Variants in ASB18 observed in about 807,000 individuals in gnomAD.
The protein encoded by ASB18 is ankyrin repeat and SOCS box protein 18.
Under a neutral mutation model 33.4 loss-of-function variants are expected in ASB18, and 33 were observed. The ratio of observed to expected loss-of-function variants is 0.99; its 90% confidence interval spans 0.75 to 1.32. The LOEUF (loss-of-function observed/expected upper bound fraction) is 1.32. Ranked by LOEUF, ASB18 falls within the 40% of genes most tolerant of loss-of-function variation. The probability of loss-of-function intolerance (pLI) is 0.00; values close to 1 mark genes in which losing one functional copy is unlikely to be tolerated. For missense variants in ASB18, 694 were observed against 655.5 expected, an observed-to-expected ratio of 1.06 and a Z score of -0.64; for synonymous variants, 295 against 307.6, an observed-to-expected ratio of 0.96 and a Z score of 0.43.
rs1199674990 is a variant in ASB18 at position 236,223,024 on chromosome 2, A to G, written c.597-8158T>C. Among the ~76,000 whole-genome samples the G allele has an allele frequency of 6.6e-6, 1 of 152,086 alleles. No homozygotes were observed. Among genetic ancestry groups the G allele is most frequent in the African/African-American group, 2.4e-5 (1 of 41,406 alleles). On this transcript the variant is annotated intron_variant, in intron 3 of 5. Transcript: ENST00000409749. The surrounding 1 kb of genome is among the most constrained non-coding windows in gnomAD (Gnocchi z 4.6). ...GACAGAGCGAGACTCCGTCTCCAAA[A>G]AAAGGTGTGTGACACCCCCCATCCC...
chr2:236,249,236 T>C lies in ASB18; in HGVS notation c.206-7834A>G, dbSNP rs1033376279. 6.6e-6 allele frequency: 1 copy of C among 152,192 alleles called. No homozygotes were observed. Among genetic ancestry groups the C allele is most frequent in the Non-Finnish European group, 1.5e-5 (1 of 68,034 alleles). The allele number at this position is 152,192 out of a possible 1,614,324, so 9.4% of individuals were successfully genotyped here. ...GTGCTTTGCTTCCTGGTGTTGTCCT[T>C]GATCTCTATGTTTGCTTGCATTGTG... On this transcript the variant is annotated intron_variant, in intron 1 of 5. Transcript: ENST00000409749. The surrounding 1 kb of genome is among the most constrained non-coding windows in gnomAD (Gnocchi z 4.6).
At position 236,217,188 on chromosome 2, in the gene ASB18, A is replaced by G. The variant is rs2060491874; in HGVS notation, c.597-2322T>C. ...TTTGGGAGTCTGAGGTGAGTGGATC[A>G]CCTGAGGTCAGGAGTTTGAGAACAG... is the stretch of plus-strand genomic sequence containing the variant. On this transcript the variant is annotated intron_variant, in intron 3 of 5. Coordinates refer to ENST00000409749, the MANE Select transcript of ASB18 (RefSeq NM_212556.4). The surrounding 1 kb of genome is among the most constrained non-coding windows in gnomAD (Gnocchi z 5.2). Among the ~76,000 whole-genome samples the G allele has an allele frequency of 1.3e-5, 2 of 152,126 alleles. No individual in the cohort carries two copies. The highest frequency in any genetic ancestry group is 6.5e-5 in the Admixed American group (1 of 15,278).
rs2060672179 is a variant in ASB18 at position 236,252,330 on chromosome 2, G to T, written c.206-10928C>A. 6.7e-6 allele frequency among the ~76,000 whole-genome samples: 1 copy of T among 150,344 alleles called. No homozygotes were observed. On this transcript the variant is annotated intron_variant, in intron 1 of 5. Transcript: ENST00000409749. The surrounding 1 kb of genome is among the most constrained non-coding windows in gnomAD (Gnocchi z 7.9). ...ACACAGTAGAAATCCTTGCCTTTAA[G>T]GAGTGTTGAATTGAGTGGGAGGGCA...
rs552864703 is a variant in ASB18 at position 236,242,450 on chromosome 2, G to T, written c.206-1048C>A. Among the ~76,000 whole-genome samples, 11 of 152,264 alleles carry T rather than the reference G, an allele frequency of 7.2e-5. No individual in the cohort carries two copies. In the East Asian group the frequency reaches 1.9e-3, roughly 27 times the overall value. The stretch of plus-strand genomic sequence containing the variant: ...CGATCTCCACTCCCAGCTCTTGTAT[G>T]GTTTGGGTGCTATGAATTGTTTGTA... On this transcript the variant is annotated intron_variant, in intron 1 of 5. Coordinates refer to ENST00000409749, the MANE Select transcript of ASB18 (RefSeq NM_212556.4).
rs1302774098 is a variant in ASB18, at chr2:236,220,377, A to G, written c.597-5511T>C. 6.6e-6 allele frequency among the ~76,000 whole-genome samples: 1 copy of G among 151,930 alleles called. No homozygotes were observed. Among genetic ancestry groups the G allele is most frequent in the Non-Finnish European group, 1.5e-5 (1 of 67,988 alleles). On this transcript the variant is annotated intron_variant, in intron 3 of 5. Transcript: ENST00000409749. The surrounding 1 kb of genome is among the most constrained non-coding windows in gnomAD (Gnocchi z 5.1). ...TGTCTCAGCTGCCTGCCAAGCCTCC[A>G]TGCTCCCTGCATGCTCTGCCCAGAT... is the stretch of plus-strand genomic sequence containing the variant.
At position 236,219,075 on chromosome 2, in the gene ASB18, T is replaced by A. The variant is rs2060500183; in HGVS notation, c.597-4209A>T. ...TATTTTTGTATTGACAGGGTCTTGC[T>A]ATGTTTCCCAGGCTGCTCTCAAACT... On this transcript the variant is annotated intron_variant, in intron 3 of 5. Coordinates refer to ENST00000409749, the MANE Select transcript of ASB18 (RefSeq NM_212556.4). This position sits in a 1 kb window ranked among gnomAD's most constrained non-coding sequence, Gnocchi z 6.4. 6.6e-6 allele frequency among the ~76,000 whole-genome samples: 1 copy of A among 151,930 alleles called. No individual in the cohort carries two copies. Among genetic ancestry groups the A allele is most frequent in the African/African-American group, 2.4e-5 (1 of 41,364 alleles).
rs1312025425 is a variant in ASB18, at chr2:236,231,531, C to T, written c.596+6158G>A. Among the ~76,000 whole-genome samples the T allele has an allele frequency of 6.6e-6, 1 of 152,164 alleles. No homozygotes were observed. Among genetic ancestry groups the T allele is most frequent in the Non-Finnish European group, 1.5e-5 (1 of 68,024 alleles). On this transcript the variant is annotated intron_variant, in intron 3 of 5. Transcript: ENST00000409749. The surrounding 1 kb of genome is among the most constrained non-coding windows in gnomAD (Gnocchi z 5.5). ...CCATCTTGGAAGCAGAGAACATGCC[C>T]TCACCAGACAATGAATCTGCTGGCA... is the stretch of plus-strand genomic sequence containing the variant.
intron 3 of ASB18, among the ~76,000 whole-genome samples, chr2:236,236,822 A>G (rs1250025214): frequency 4.6e-5 from 7 of 152,190 alleles, no homozygotes; most frequent in Non-Finnish European, 8.8e-5. Flanking sequence ...AACGTGGGCG[A>G]CTTTCCTTAA....
At chr2:236,202,241 A>G (rs2060406567) in intron 4 of ASB18, among the ~76,000 whole-genome samples, 1 of 152,014 alleles carries the variant, frequency 6.6e-6, no homozygotes, top group South Asian at 2.1e-4. Flanking sequence ...GTGCGCCACC[A>G]CACCTGGCCT....
At position 236,195,626 on chromosome 2, in the gene ASB18, C is replaced by T. The variant is rs1437282886; in HGVS notation, c.1216-569G>A. On this transcript the variant is annotated intron_variant, in intron 5 of 5. Transcript: ENST00000409749. The surrounding 1 kb of genome is among the most constrained non-coding windows in gnomAD (Gnocchi z 5.5). ...TGCCTCCTGGGCTCAAGCGATTCTC[C>T]TGCCTTAGCCTCCTGAGTAACTGGC... Among the ~76,000 whole-genome samples, 1 of 152,106 alleles carries T rather than the reference C, an allele frequency of 6.6e-6. No homozygotes were observed. The highest frequency in any genetic ancestry group is 1.5e-5 in the Non-Finnish European group (1 of 68,024).
In ASB18 at chr2:236,257,234, C is replaced by T. The variant is rs964157723; in HGVS notation, c.205+6907G>A. Among the ~76,000 whole-genome samples, 10 of 152,162 alleles carry T rather than the reference C, an allele frequency of 6.6e-5. No individual in the cohort carries two copies. The highest frequency in any genetic ancestry group is 5.9e-4 in the Admixed American group (9 of 15,266). ...GTGAATCAAAGTAATAAGAGCAATG[C>T]TCAGGCTGGTGGTGGGATAGTGTCA... is the stretch of plus-strand genomic sequence containing the variant. On this transcript the variant is annotated intron_variant, in intron 1 of 5. Transcript: ENST00000409749. This position sits in a 1 kb window ranked among gnomAD's most constrained non-coding sequence, Gnocchi z 5.5.
At chr2:236,212,506 G>A (rs77843043) in intron 4 of ASB18, among the ~76,000 whole-genome samples, 5,094 of 152,196 alleles carry the variant, frequency 0.033, 211 homozygotes, top group African/African-American at 0.1. Flanking sequence ...GAAATATATT[G>A]ACTCCTTTTT....
intron 1 of ASB18, among the ~76,000 whole-genome samples, chr2:236,254,437 C>G (rs1028650597): frequency 2.0e-5 from 3 of 151,938 alleles, no homozygotes; most frequent in Admixed American, 2.0e-4. Flanking sequence ...TCTATCAACT[C>G]TGCCCTTCTT....
chr2:236,202,798 T>A (rs28688751), intron 4 of ASB18, among the ~76,000 whole-genome samples: 1,954 of 115,562 alleles, frequency 0.017, 36 homozygotes, highest in African/African-American at 0.02. Flanking sequence ...AAAAAAAATA[T>A]ATATATATAT....
At chr2:236,240,280 C>T (rs907101630) in intron 2 of ASB18, among the ~76,000 whole-genome samples, 17 of 152,192 alleles carry the variant, frequency 1.1e-4, no homozygotes, top group Non-Finnish European at 1.6e-4. Flanking sequence ...CAGCCCCCAC[C>T]GCCTCACTGG....
chr2:236,232,261 CA>C (rs34385265), intron 3 of ASB18, among the ~76,000 whole-genome samples: 3,500 of 146,962 alleles, frequency 0.024, 115 homozygotes, highest in African/African-American at 0.079. Flanking sequence ...ACCCATGACT[CA>C]AAAAAAAAAA....
chr2:236,232,271 AAAAG>A (rs1326096479), intron 3 of ASB18, among the ~76,000 whole-genome samples: 2 of 151,604 alleles, frequency 1.3e-5, no homozygotes, highest in Non-Finnish European at 2.9e-5. Context: ...CAAAAAAAAA[AAAAG>A]AAAATTAGAA....
rs1416180112 is a variant in ASB18 at position 236,241,347 on chromosome 2, C to T, written c.261G>A (p.Val87=). 1 of 1,613,936 alleles carries T rather than the reference C, an allele frequency of 6.2e-7. No individual in the cohort carries two copies. The highest frequency in any genetic ancestry group is 1.7e-5 in the Admixed American group (1 of 60,028). ...TCTCATCCTTATTGATCTCAAACAC[C>T]ACGTTGGCATCCTGGAAGAACTGGT... is the stretch of plus-strand genomic sequence containing the variant. ...LMDQFFQDAN[V]VFEINKDEME... Residue 87 remains valine (V), a synonymous_variant, in exon 2 of 6, where the codon GTG becomes GTA. Coordinates refer to ENST00000409749, the MANE Select transcript of ASB18 (RefSeq NM_212556.4). This position sits in a 1 kb window ranked among gnomAD's most constrained non-coding sequence, Gnocchi z 4.2.
chr2:236,248,342 C>T lies in ASB18; in HGVS notation c.206-6940G>A, dbSNP rs2060653477. The T allele has an allele frequency of 6.6e-6, 1 of 152,046 alleles. No homozygotes were observed. Among genetic ancestry groups the T allele is most frequent in the Non-Finnish European group, 1.5e-5 (1 of 68,064 alleles). The allele number at this position is 152,046 out of a possible 1,614,324, so 9.4% of individuals were successfully genotyped here. ...ATGTGGTGGCTCATGCCTGTAATCC[C>T]AGCACTTTAGGAGGCTGAGGCAGGT... On this transcript the variant is annotated intron_variant, in intron 1 of 5. Coordinates refer to ENST00000409749, the MANE Select transcript of ASB18 (RefSeq NM_212556.4). The surrounding 1 kb of genome is among the most constrained non-coding windows in gnomAD (Gnocchi z 4.9).
Sources: gnomAD v4.1 joint callset for allele counts (sites outside exome capture counted in the v4.1 genomes callset) on GRCh38, gnomAD v4.1.1 for gene constraint, Gnocchi (gnomAD v3.1) non-coding constraint, MANE v1.5 for transcripts, NCBI Gene and HGNC (gene_info 2026-07-23, HGNC 2026-07-21) for gene names.